Variants in APBA1 observed in about 807,000 individuals in gnomAD.
The protein encoded by APBA1 is amyloid beta precursor protein binding family A member 1.
In APBA1, 55 loss-of-function variants were observed where a neutral mutation model predicts 86.6. That is an observed-to-expected ratio of 0.64 (90% CI 0.51 to 0.80). APBA1 has a LOEUF of 0.80. Ranked by LOEUF, APBA1 falls within the 30% of genes least tolerant of loss-of-function variation. The pLI, the probability that APBA1 is intolerant of heterozygous loss-of-function variation, is 0.00. For missense variants in APBA1, 1,090 were observed against 1,183.0 expected (o/e 0.92, Z 1.15); for synonymous variants, 511 against 493.9 (o/e 1.03, Z -0.46).
rs542151376 is a variant in APBA1 at position 69,554,318 on chromosome 9, G to C, written c.-69-37039C>G. ...ATTAAGTAAATTAAGAGTAAATTAA[G>C]GTCATGTACTTAGTAAGTAACAGAC... On this transcript the variant is annotated intron_variant, in intron 1 of 12. Transcript: ENST00000265381. Among the ~76,000 whole-genome samples the C allele has an allele frequency of 2.0e-5, 3 of 152,240 alleles. No individual in the cohort carries two copies. The South Asian group carries it at 6.2e-4, about 32-fold the overall frequency.
intron 1 of APBA1, among the ~76,000 whole-genome samples, chr9:69,611,278 A>G (rs948232809): frequency 3.1e-5 from 4 of 127,264 alleles, no homozygotes; most frequent in Non-Finnish European, 5.0e-5. Flanking sequence ...TGCAGGGACC[A>G]GAAAAGGAAA....
At chr9:69,531,643 C>T (rs1055969149) in intron 1 of APBA1, among the ~76,000 whole-genome samples, 1 of 152,180 alleles carries the variant, frequency 6.6e-6, no homozygotes, top group Non-Finnish European at 1.5e-5. Context: ...CCCTTCAGCA[C>T]TCATGGCCTC....
intron 1 of APBA1, among the ~76,000 whole-genome samples, chr9:69,544,290 C>T (rs1224626789): frequency 6.6e-6 from 1 of 152,196 alleles, no homozygotes; most frequent in Non-Finnish European, 1.5e-5. Flanking sequence ...TTTCTTATGG[C>T]ACATTGCAAA....
intron 5 of APBA1, among the ~76,000 whole-genome samples, chr9:69,466,686 T>C (rs1281852361): frequency 1.3e-5 from 2 of 152,222 alleles, no homozygotes; most frequent in Admixed American, 1.3e-4. Context: ...CAGCTCTTCA[T>C]GCCTAAGTGC....
intron 2 of APBA1, among the ~76,000 whole-genome samples, chr9:69,515,736 C>T (rs576595734): frequency 6.8e-6 from 1 of 147,616 alleles, no homozygotes; most frequent in East Asian, 2.1e-4. Context: ...CCCAATAATG[C>T]ATTTCTCACA....
intron 1 of APBA1, among the ~76,000 whole-genome samples, chr9:69,577,239 A>C (rs1588374036): frequency 6.6e-6 from 1 of 152,216 alleles, no homozygotes; most frequent in East Asian, 1.9e-4. Context: ...TCTAGCTGTA[A>C]TTTGTGAATA....
intron 1 of APBA1, among the ~76,000 whole-genome samples, chr9:69,658,953 C>T (rs984662243): frequency 2.6e-5 from 4 of 152,212 alleles, no homozygotes; most frequent in African/African-American, 9.6e-5. Flanking sequence ...CCACCCCACA[C>T]AGGATCAGGC....
intron 1 of APBA1, among the ~76,000 whole-genome samples, chr9:69,592,206 G>A (rs1822144428): frequency 6.6e-6 from 1 of 152,198 alleles, no homozygotes; most frequent in African/African-American, 2.4e-5. Flanking sequence ...ATGCTGAACA[G>A]GAAATTGAAG....
At chr9:69,590,339 G>A (rs1166659872) in intron 1 of APBA1, among the ~76,000 whole-genome samples, 1 of 152,172 alleles carries the variant, frequency 6.6e-6, no homozygotes, top group East Asian at 1.9e-4. Context: ...GTTAGGCGAG[G>A]AAACAGTATC....
intron 1 of APBA1, among the ~76,000 whole-genome samples, chr9:69,597,483 G>A (rs1461653567): frequency 2.0e-5 from 3 of 152,152 alleles, no homozygotes; most frequent in Admixed American, 6.5e-5. Flanking sequence ...TCTGATGGTA[G>A]TTTCTTTTGC....
At chr9:69,466,051 G>A (rs976008494) in intron 5 of APBA1, among the ~76,000 whole-genome samples, 14 of 152,192 alleles carry the variant, frequency 9.2e-5, no homozygotes, top group African/African-American at 2.9e-4. Context: ...TAAAAACATC[G>A]TAGTCATGTC....
At chr9:69,590,560 G>C (rs898701904) in intron 1 of APBA1, among the ~76,000 whole-genome samples, 15 of 152,150 alleles carry the variant, frequency 9.9e-5, no homozygotes, top group Non-Finnish European at 1.9e-4. Context: ...CATTCACATG[G>C]GCTGGCTCTC....
At chr9:69,469,274 GC>G (rs1301409816) in intron 4 of APBA1, among the ~76,000 whole-genome samples, 18 of 152,092 alleles carry the variant, frequency 1.2e-4, no homozygotes, top group Non-Finnish European at 2.9e-5. Context: ...GAAACAATTT[GC>G]TTTTTCCTCT....
intron 1 of APBA1, among the ~76,000 whole-genome samples, chr9:69,658,260 CTTTCTTTCTTTCTTTCTTTCTT>C (rs1335389814): frequency 0.026 from 560 of 21,204 alleles, 5 homozygotes; most frequent in African/African-American, 0.034. Flanking sequence ...TTCTTTCTTT[CTTTCTTTCTTTCTTTCTTTCTT>C]TCTCTCTCTC....
intron 1 of APBA1, among the ~76,000 whole-genome samples, chr9:69,622,923 C>T (rs973270432): frequency 1.3e-5 from 2 of 152,182 alleles, no homozygotes; most frequent in African/African-American, 4.8e-5. Context: ...CACATAGAAA[C>T]AGCATGCATT....
intron 11 of APBA1, among the ~76,000 whole-genome samples, chr9:69,433,053 C>T (rs1834633314): frequency 6.6e-6 from 1 of 152,214 alleles, no homozygotes; most frequent in African/African-American, 2.4e-5. Flanking sequence ...ATGACTGGGA[C>T]TCAAGCACTG....
intron 1 of APBA1, among the ~76,000 whole-genome samples, chr9:69,612,261 G>GT (rs1183976340): frequency 1.3e-5 from 2 of 151,964 alleles, no homozygotes; most frequent in Non-Finnish European, 1.5e-5. Flanking sequence ...ATGATGACTA[G>GT]TTTTGTATAA....
At chr9:69,440,841 G>A (rs1417197702) in intron 11 of APBA1, among the ~76,000 whole-genome samples, 155 bp downstream of exon 11, 1 of 152,116 alleles carries the variant, frequency 6.6e-6, no homozygotes, top group Non-Finnish European at 1.5e-5. Context: ...TACCTCAGTT[G>A]GAAATGCAGA....
chr9:69,440,799 C>T lies in APBA1; in HGVS notation c.2301+197G>A, dbSNP rs540748911. Among the ~76,000 whole-genome samples the T allele has an allele frequency of 2.6e-5, 4 of 152,308 alleles. No individual in the cohort carries two copies. The South Asian group carries it at 8.3e-4, about 32-fold the overall frequency. On this transcript the variant is annotated intron_variant, in intron 11 of 12. Transcript: ENST00000265381. ...CGCTGCACCCACTGTCCTGCACCCACTGACCGGCACTCCCCAGTGAGATGA... is the reference window on the plus strand; with the variant it reads ...CGCTGCACCCACTGTCCTGCACCCATTGACCGGCACTCCCCAGTGAGATGA...
Sources: gnomAD v4.1 joint callset for allele counts (sites outside exome capture counted in the v4.1 genomes callset) on GRCh38, gnomAD v4.1.1 for gene constraint, MANE v1.5 for transcripts, NCBI Gene and HGNC (gene_info 2026-07-23, HGNC 2026-07-21) for gene names.